ZPBP: variants seen among roughly 807,000 people sequenced by gnomAD.
The protein encoded by ZPBP is zona pellucida binding protein.
Under a neutral mutation model 44.8 loss-of-function variants are expected in ZPBP, and 26 were observed. The observed-to-expected ratio is 0.58, with a 90% CI of 0.43 to 0.81. The LOEUF is 0.81. Ranked by LOEUF, ZPBP falls within the 30% of genes least tolerant of loss-of-function variation. The pLI, the probability that ZPBP is intolerant of heterozygous loss-of-function variation, is 0.00. For synonymous variants in ZPBP, 174 were observed against 153.2 expected (o/e 1.14, Z -1.00); for missense variants, 409 against 434.0 (o/e 0.94, Z 0.51).
intron 2 of ZPBP, among the ~76,000 whole-genome samples, chr7:49,856,172 T>C (rs1790409330): frequency 6.6e-6 from 1 of 152,158 alleles, no homozygotes. Context: ...GGGAATCTCA[T>C]GTTGAAATGT....
chr7:49,983,924 T>C (rs1229175279), intron 6 of ZPBP, among the ~76,000 whole-genome samples: 6 of 143,218 alleles, frequency 4.2e-5, no homozygotes, highest in Admixed American at 4.0e-4. Flanking sequence ...CAAAGAAAAA[T>C]TTAATTTAAA....
intron 2 of ZPBP, among the ~76,000 whole-genome samples, chr7:49,880,995 G>T (rs1473281776): frequency 6.6e-6 from 1 of 152,114 alleles, no homozygotes; most frequent in Non-Finnish European, 1.5e-5. Flanking sequence ...TCCATCCTTT[G>T]TACAATAAGT....
chr7:49,957,376 C>T (rs1369528270), intron 7 of ZPBP, among the ~76,000 whole-genome samples: 2 of 152,120 alleles, frequency 1.3e-5, no homozygotes, highest in African/African-American at 2.4e-5. Context: ...GCCCAGAGTG[C>T]CAAGGTCTGG....
intron 1 of ZPBP, among the ~76,000 whole-genome samples, chr7:50,090,523 GTA>G (rs775243876): frequency 6.9e-4 from 105 of 151,160 alleles, no homozygotes; most frequent in Admixed American, 2.2e-3. Flanking sequence ...GTATATATGT[GTA>G]TATATATGTG....
chr7:50,092,794 G>C (rs1803059484), intron 1 of ZPBP: 1 of 366,280 alleles, frequency 2.7e-6, no homozygotes. Flanking sequence ...GACTGAATTG[G>C]GGAGTTTATC....
chr7:49,982,476 T>C (rs1183643045), intron 7 of ZPBP, among the ~76,000 whole-genome samples: 1 of 148,662 alleles, frequency 6.7e-6, no homozygotes, highest in Admixed American at 7.0e-5. Flanking sequence ...TACTATATTT[T>C]TGTGAAACTT....
intron 2 of ZPBP, among the ~76,000 whole-genome samples, chr7:49,889,751 C>T (rs1301400446): frequency 6.6e-6 from 1 of 152,114 alleles, no homozygotes; most frequent in Middle Eastern, 3.2e-3. Context: ...AAATAAACAA[C>T]AAACCTGATT....
At chr7:50,055,340 C>A (rs1446051058) in intron 4 of ZPBP, among the ~76,000 whole-genome samples, 3 of 152,060 alleles carry the variant, frequency 2.0e-5, no homozygotes, top group Non-Finnish European at 4.4e-5. Flanking sequence ...ATTAAAGGAG[C>A]TATGTATAAT....
intron 6 of ZPBP, among the ~76,000 whole-genome samples, chr7:49,988,436 G>A (rs1797416308): frequency 6.6e-6 from 1 of 152,112 alleles, no homozygotes; most frequent in Non-Finnish European, 1.5e-5. Context: ...TTGCCAAAAT[G>A]ATGCTTAATC....
chr7:49,968,901 G>C (rs932197538), intron 7 of ZPBP, among the ~76,000 whole-genome samples: 1 of 151,746 alleles, frequency 6.6e-6, no homozygotes, highest in South Asian at 2.1e-4. Context: ...AAAACTATAA[G>C]AATGTATCTC....
chr7:50,068,127 T>C (rs182100630), intron 3 of ZPBP, among the ~76,000 whole-genome samples: 2 of 152,324 alleles, frequency 1.3e-5, no homozygotes, highest in Admixed American at 1.3e-4. Context: ...ACTCCTTTTT[T>C]TCTCCTCTTT....
At chr7:49,902,613 A>G (rs1043069226) in intron 1 of ZPBP, among the ~76,000 whole-genome samples, 15 of 151,810 alleles carry the variant, frequency 9.9e-5, no homozygotes, top group African/African-American at 3.6e-4. Flanking sequence ...AATTTATCTC[A>G]GAATGGATCA....
intron 3 of ZPBP, among the ~76,000 whole-genome samples, chr7:50,071,378 GC>G (rs1420160631): frequency 5.3e-5 from 8 of 152,164 alleles, no homozygotes; most frequent in Middle Eastern, 3.2e-3. Context: ...TGCAAACCTT[GC>G]CACCAAGGTC....
Position 50,093,074 on chromosome 7 carries a change from A to G in ZPBP, c.121T>C (p.Ser41Pro), listed in dbSNP as rs749738098. 6.2e-7 allele frequency: 1 copy of G among 1,600,926 alleles called. No homozygotes were observed. Among genetic ancestry groups the G allele is most frequent in the Non-Finnish European group, 8.5e-7 (1 of 1,174,202 alleles). The change falls in exon 1 of 8, where the codon TCA (serine) becomes CCA (proline). Residue 41 changes from serine (S) to proline (P), a missense_variant. Ser to Pro is a moderately conservative substitution (Grantham distance 74). Transcript: ENST00000046087. ...GGGCGGCGCGGACCCTCACCTGATG[A>G]GGGCACCCGCACCAGGAAGGCGGAG... ...FISAFLVRVP[S>P]SVGHLVRLPR...
At chr7:50,038,591 C>T (rs1238689945) in intron 4 of ZPBP, among the ~76,000 whole-genome samples, 2 of 152,164 alleles carry the variant, frequency 1.3e-5, no homozygotes, top group African/African-American at 2.4e-5. Flanking sequence ...GCTGTGGGTA[C>T]ACCCAAGCTG....
intron 2 of ZPBP, among the ~76,000 whole-genome samples, chr7:49,899,161 T>C (rs1792570619): frequency 6.6e-6 from 1 of 152,032 alleles, no homozygotes; most frequent in East Asian, 1.9e-4. Context: ...CCCCAGTGGA[T>C]GCCTGAAACC....
At chr7:49,904,659 A>T (rs1396188124) in intron 1 of ZPBP, among the ~76,000 whole-genome samples, 3 of 152,056 alleles carry the variant, frequency 2.0e-5, no homozygotes, top group African/African-American at 7.2e-5. Flanking sequence ...AAAAGAACTT[A>T]CCTATTACAA....
chr7:50,009,003 C>T (rs771541387), intron 6 of ZPBP, among the ~76,000 whole-genome samples: 1 of 151,906 alleles, frequency 6.6e-6, no homozygotes, highest in Non-Finnish European at 1.5e-5. Context: ...GGAGGCCAAG[C>T]TGTGTGGATC....
chr7:49,871,300 G>A (rs929966365), intron 2 of ZPBP, among the ~76,000 whole-genome samples: 4 of 152,046 alleles, frequency 2.6e-5, no homozygotes, highest in Admixed American at 6.5e-5. Flanking sequence ...GATCCAAGTC[G>A]GATTCCCTGA....
Sources: gnomAD v4.1 joint callset for allele counts (sites outside exome capture counted in the v4.1 genomes callset) on GRCh38, gnomAD v4.1.1 for gene constraint, MANE v1.5 for transcripts, NCBI Gene and HGNC (gene_info 2026-07-23, HGNC 2026-07-21) for gene names.